Variants in HECW2 observed in about 807,000 individuals in gnomAD.
The protein encoded by HECW2 is HECT, C2 and WW domain containing E3 ubiquitin protein ligase 2.
In HECW2, 61 loss-of-function variants were observed where a neutral mutation model predicts 175.2. The ratio of observed to expected loss-of-function variants is 0.35; its 90% CI spans 0.28 to 0.43. HECW2 has a LOEUF of 0.43. Ranked by LOEUF, HECW2 falls within the 20% of genes least tolerant of loss-of-function variation. The probability of loss-of-function intolerance (pLI) is 1.00; values close to 1 mark genes in which losing one functional copy is unlikely to be tolerated. For synonymous variants in HECW2, 671 were observed against 731.0 expected (o/e 0.92, Z 1.32); for missense variants, 1,524 against 2,000.5 (o/e 0.76, Z 4.54).
At chr2:196,243,179 T>TTTA (rs1351507460) in intron 19 of HECW2, among the ~76,000 whole-genome samples, 1 of 151,280 alleles carries the variant, frequency 6.6e-6, no homozygotes, top group Non-Finnish European at 1.5e-5. Context: ...TTCTTTTTTT[T>TTTA]TTTTTGAGAC....
intron 2 of HECW2, among the ~76,000 whole-genome samples, chr2:196,353,474 C>T (rs1482183307): frequency 1.3e-5 from 2 of 152,176 alleles, no homozygotes; most frequent in Non-Finnish European, 2.9e-5. Flanking sequence ...GGAATTTTGT[C>T]TATTCTGTTT....
intron 1 of HECW2, among the ~76,000 whole-genome samples, chr2:196,573,383 T>A (rs558122266): frequency 3.3e-5 from 5 of 152,262 alleles, no homozygotes; most frequent in African/African-American, 7.2e-5. Context: ...TTATTTTTTT[T>A]AATTTTTTGC....
intron 1 of HECW2, among the ~76,000 whole-genome samples, chr2:196,490,395 G>A (rs1446220417): frequency 6.6e-6 from 1 of 152,108 alleles, no homozygotes; most frequent in Non-Finnish European, 1.5e-5. Flanking sequence ...CTGTGCACAA[G>A]CTAAACTCAT....
At chr2:196,592,892 A>G (rs76967656) in intron 1 of HECW2, 1 of 150,246 alleles carries the variant, frequency 6.7e-6, no homozygotes, top group Non-Finnish European at 1.5e-5. Context: ...GTGCGCGCCG[A>G]GGAGAAAGCA....
At chr2:196,271,662 T>C (rs114160755) in intron 16 of HECW2, among the ~76,000 whole-genome samples, 1 of 152,112 alleles carries the variant, frequency 6.6e-6, no homozygotes, top group Non-Finnish European at 1.5e-5. Flanking sequence ...CCCAGCACTT[T>C]CAGAGTCTGA....
chr2:196,534,263 G>C (rs1359227283), intron 1 of HECW2, among the ~76,000 whole-genome samples: 1 of 148,954 alleles, frequency 6.7e-6, no homozygotes, highest in Non-Finnish European at 1.5e-5. Flanking sequence ...TGTGTGTCAG[G>C]GCCTCCGTTT....
At chr2:196,517,852 C>T (rs1688206274) in intron 1 of HECW2, among the ~76,000 whole-genome samples, 1 of 152,172 alleles carries the variant, frequency 6.6e-6, no homozygotes, top group Non-Finnish European at 1.5e-5. Flanking sequence ...TACAGCAGCT[C>T]ACCAGTGACT....
At chr2:196,408,884 C>T (rs1695033002) in intron 2 of HECW2, among the ~76,000 whole-genome samples, 3 of 152,146 alleles carry the variant, frequency 2.0e-5, no homozygotes, top group South Asian at 2.1e-4. Context: ...TATCTCCCAT[C>T]GCCATAAGGG....
intron 26 of HECW2, 78 bp downstream of exon 26, chr2:196,219,961 A>T: frequency 1.1e-6 from 1 of 916,136 alleles, no homozygotes; most frequent in Non-Finnish European, 1.8e-6. Flanking sequence ...TGCCTGTCCT[A>T]TATTCAGTTG....
intron 15 of HECW2, 113 bp downstream of exon 15, chr2:196,278,414 TC>T: frequency 9.3e-7 from 1 of 1,070,916 alleles, no homozygotes; most frequent in Non-Finnish European, 1.3e-6. Context: ...TAAATCAAAC[TC>T]AAAAAAAAAA....
intron 28 of HECW2, among the ~76,000 whole-genome samples, chr2:196,205,620 G>C (rs1687039814): frequency 6.6e-6 from 1 of 152,166 alleles, no homozygotes; most frequent in South Asian, 2.1e-4. Context: ...AGGCTTAATA[G>C]AAGAAGGCAA....
At chr2:196,356,860 G>A (rs1693387964) in intron 2 of HECW2, among the ~76,000 whole-genome samples, 1 of 152,134 alleles carries the variant, frequency 6.6e-6, no homozygotes, top group South Asian at 2.1e-4. Flanking sequence ...ACAGTGTATG[G>A]TAGGGTTCAG....
intron 17 of HECW2, among the ~76,000 whole-genome samples, chr2:196,270,211 G>A (rs1173862030): frequency 3.3e-5 from 5 of 150,792 alleles, no homozygotes; most frequent in Admixed American, 1.3e-4. Flanking sequence ...CTTAGATAGA[G>A]AAATACTAGC....
chr2:196,403,117 C>T (rs1352689608), intron 2 of HECW2, among the ~76,000 whole-genome samples: 1 of 152,080 alleles, frequency 6.6e-6, no homozygotes, highest in Non-Finnish European at 1.5e-5. Flanking sequence ...CCTTGGGATT[C>T]TTATTCTTCT....
chr2:196,533,111 A>T (rs1392704120), intron 1 of HECW2, among the ~76,000 whole-genome samples: 3 of 152,190 alleles, frequency 2.0e-5, no homozygotes, highest in African/African-American at 7.2e-5. Context: ...CATCTTAGTC[A>T]TGTTTGTTTT....
intron 2 of HECW2, among the ~76,000 whole-genome samples, chr2:196,384,789 C>T (rs901597344): frequency 3.3e-5 from 5 of 152,152 alleles, no homozygotes; most frequent in Non-Finnish European, 5.9e-5. Context: ...CTTTAGCATG[C>T]TTTATAAAAT....
intron 1 of HECW2, among the ~76,000 whole-genome samples, chr2:196,574,160 C>A (rs760662986): frequency 5.9e-5 from 9 of 152,054 alleles, no homozygotes; most frequent in Non-Finnish European, 7.4e-5. Flanking sequence ...CTAGGCATGG[C>A]GGCTCACGTC....
intron 1 of HECW2, among the ~76,000 whole-genome samples, chr2:196,466,721 A>G (rs536122980): frequency 2.7e-4 from 41 of 152,330 alleles, no homozygotes; most frequent in African/African-American, 9.9e-4. Flanking sequence ...AAAAGTAGAA[A>G]GTGTCATCTC....
intron 1 of HECW2, among the ~76,000 whole-genome samples, chr2:196,464,791 C>T (rs1253155103): frequency 6.6e-6 from 1 of 152,150 alleles, no homozygotes; most frequent in Non-Finnish European, 1.5e-5. Flanking sequence ...CCTGTAATCC[C>T]AGCACTTTGG....
Sources: gnomAD v4.1 joint callset for allele counts (sites outside exome capture counted in the v4.1 genomes callset) on GRCh38, gnomAD v4.1.1 for gene constraint, MANE v1.5 for transcripts, NCBI Gene and HGNC (gene_info 2026-07-23, HGNC 2026-07-21) for gene names.